UBE3C: variants seen among roughly 807,000 people sequenced by gnomAD.
UBE3C encodes ubiquitin protein ligase E3C.
Under a neutral mutation model 129.4 loss-of-function variants are expected in UBE3C, and 42 were observed. That is an observed-to-expected ratio of 0.32 (90% CI 0.25 to 0.42). UBE3C has a LOEUF of 0.42. UBE3C is among the 10% of genes least tolerant of loss of function. The pLI is 1.00. For synonymous variants in UBE3C, 510 were observed against 492.4 expected (o/e 1.04, Z -0.47); for missense variants, 1,049 against 1,319.1 (o/e 0.80, Z 3.17).
intron 18 of UBE3C, among the ~76,000 whole-genome samples, chr7:157,247,919 T>C (rs955829354): frequency 6.6e-6 from 1 of 151,896 alleles, no homozygotes; most frequent in Non-Finnish European, 1.5e-5. Flanking sequence ...GTCCAATAGC[T>C]GCGAGGCCTT....
chr7:157,166,668 A>G (rs1233888986), intron 2 of UBE3C, among the ~76,000 whole-genome samples: 1 of 149,320 alleles, frequency 6.7e-6, no homozygotes, highest in Non-Finnish European at 1.5e-5. Flanking sequence ...TGAACTCGGG[A>G]GGCGGAGGTT....
At position 157,163,796 on chromosome 7, in the gene UBE3C, CTGTT is replaced by C. The variant is rs773975371; in HGVS notation, c.67-11_67-8del. 34 of 1,607,620 alleles carry C rather than the reference CTGTT, an allele frequency of 2.1e-5. No individual in the cohort carries two copies. The highest frequency in any genetic ancestry group is 1.5e-4 in the African/African-American group (11 of 74,514). ...ATTATAACCTTACCTCCTTTTTTCT[CTGTT>C]TGGGTGTAGGAGGAAAAGGCTTCTC... is the stretch of plus-strand genomic sequence containing the variant. On this transcript the variant is annotated splice_polypyrimidine_tract_variant and intron_variant, in intron 1 of 22. Transcript: ENST00000348165.
At position 157,238,908 on chromosome 7, in the gene UBE3C, G is replaced by A. The variant is rs188131801; in HGVS notation, c.2481+7581G>A. Among the ~76,000 whole-genome samples the A allele has an allele frequency of 2.7e-3, 405 of 152,322 alleles. 2 individuals carry two copies. The highest frequency in any genetic ancestry group is 4.3e-3 in the Non-Finnish European group (295 of 68,034). ...CAGGTGCCAAATAAAGACAGTGTTT[G>A]AAAGGAAGAGAAAGGTGGGTATTGT... On this transcript the variant is annotated intron_variant, in intron 18 of 22. Coordinates refer to ENST00000348165, the MANE Select transcript of UBE3C (RefSeq NM_014671.3).
chr7:157,255,149 G>C (rs1185788564), intron 21 of UBE3C, among the ~76,000 whole-genome samples: 2 of 151,092 alleles, frequency 1.3e-5, no homozygotes, highest in African/African-American at 4.9e-5. Context: ...CATACACAAC[G>C]TACATGGGCA....
chr7:157,162,348 C>A (rs57487459), intron 1 of UBE3C, among the ~76,000 whole-genome samples: 18,148 of 151,840 alleles, frequency 0.12, 1,375 homozygotes, highest in East Asian at 0.2. Flanking sequence ...GTATGTGCCA[C>A]CATGCCCGGC....
chr7:157,266,088 G>A (rs914305473), intron 22 of UBE3C, among the ~76,000 whole-genome samples: 2 of 152,340 alleles, frequency 1.3e-5, no homozygotes, highest in Admixed American at 1.3e-4. Flanking sequence ...GCTGAGGCGG[G>A]TGGATCACGA....
chr7:157,236,192 G>A (rs1340386684), intron 18 of UBE3C, among the ~76,000 whole-genome samples: 1 of 152,182 alleles, frequency 6.6e-6, no homozygotes, highest in East Asian at 1.9e-4. Context: ...TCAGGCTGCA[G>A]ACAGGGAATA....
intron 10 of UBE3C, chr7:157,192,739 G>A: frequency 1.0e-6 from 1 of 959,010 alleles, no homozygotes; most frequent in Non-Finnish European, 1.7e-6. Context: ...TCTGATGAAT[G>A]TGGTGCTGGA....
At position 157,231,258 on chromosome 7, in the gene UBE3C, G is replaced by A. The variant is rs561158052; in HGVS notation, c.2412G>A (p.Pro804=). 2.0e-5 allele frequency: 33 copies of A among 1,614,096 alleles called. No individual in the cohort carries two copies. Among genetic ancestry groups the A allele is most frequent in the African/African-American group, 1.6e-4 (12 of 74,988 alleles). The part of the protein sequence containing the change: ...TTNEGLLYPN[P]AAQMLVGDSF... ...ATGAAGGGCTTCTGTACCCCAACCC[G>A]GCTGCTCAGATGCTTGTGGGAGATT... The change falls in exon 18 of 23, where the codon CCG becomes CCA. Residue 804 remains proline (P), a synonymous_variant. Coordinates refer to ENST00000348165, the MANE Select transcript of UBE3C (RefSeq NM_014671.3).
intron 4 of UBE3C, among the ~76,000 whole-genome samples, chr7:157,170,694 A>G (rs1385994749): frequency 6.6e-6 from 1 of 152,196 alleles, no homozygotes; most frequent in African/African-American, 2.4e-5. Context: ...GGAAAACCTT[A>G]AGCATTTAAA....
chr7:157,179,849 T>A (rs899998669), intron 6 of UBE3C, among the ~76,000 whole-genome samples: 1 of 152,194 alleles, frequency 6.6e-6, no homozygotes, highest in Non-Finnish European at 1.5e-5. Flanking sequence ...GTGTTACTAT[T>A]TTTTAGACTC....
chr7:157,267,071 A>G (rs914782123), intron 22 of UBE3C, among the ~76,000 whole-genome samples: 10 of 152,226 alleles, frequency 6.6e-5, no homozygotes, highest in African/African-American at 1.4e-4. Context: ...TTATGCCTGA[A>G]GCACAGTGCA....
At chr7:157,150,294 G>A (rs1338453241) in intron 1 of UBE3C, among the ~76,000 whole-genome samples, 3 of 151,900 alleles carry the variant, frequency 2.0e-5, no homozygotes, top group South Asian at 2.1e-4. Context: ...CGGGAGAATC[G>A]CTTGAACCCA....
chr7:157,139,254 C>G lies in UBE3C; in HGVS notation c.-19C>G, dbSNP rs770076723. 1.3e-6 allele frequency: 2 copies of G among 1,516,288 alleles called. No homozygotes were observed. Among genetic ancestry groups the G allele is most frequent in the Admixed American group, 2.0e-5 (1 of 50,828 alleles). The allele number at this position is 1,516,288 out of a possible 1,614,324, so 93.9% of individuals were successfully genotyped here. On this transcript the variant is annotated 5_prime_UTR_variant, in exon 1 of 23. Coordinates refer to ENST00000348165, the MANE Select transcript of UBE3C (RefSeq NM_014671.3). ...TGCTTCCGCGGCGGCGCTGCCCGCACATGGGCTAGGCTGCCAGGATGTTCA... is the reference window on the plus strand; with the variant it reads ...TGCTTCCGCGGCGGCGCTGCCCGCAGATGGGCTAGGCTGCCAGGATGTTCA...
At chr7:157,178,526 ATGTT>A (rs1808584979) in intron 5 of UBE3C, among the ~76,000 whole-genome samples, 160 bp from the exon 6 acceptor site, 1 of 152,192 alleles carries the variant, frequency 6.6e-6, no homozygotes, top group Admixed American at 6.5e-5. Flanking sequence ...GAATGACTGA[ATGTT>A]AGTTGGATGA....
chr7:157,139,464 C>T, intron 1 of UBE3C, 126 bp downstream of exon 1: 1 of 849,116 alleles, frequency 1.2e-6, no homozygotes, highest in Non-Finnish European at 1.6e-6. Flanking sequence ...TCGGGGCCTC[C>T]CTGGCGGGGA....
intron 2 of UBE3C, chr7:157,164,446 C>G (rs961987568): frequency 2.2e-6 from 1 of 456,614 alleles, no homozygotes; most frequent in Admixed American, 2.3e-5. Flanking sequence ...TGAACTGCCT[C>G]GTCTGGCTGA....
intron 2 of UBE3C, among the ~76,000 whole-genome samples, chr7:157,164,135 A>G (rs1019125568): frequency 6.6e-6 from 1 of 152,046 alleles, no homozygotes; most frequent in African/African-American, 2.4e-5. Context: ...AAGCCGTATT[A>G]TAAATATAAT....
rs778732359 is a variant in UBE3C at position 157,248,344 on chromosome 7, CGTT to C, written c.2482-21_2482-19del. 1.3e-4 allele frequency: 206 copies of C among 1,602,890 alleles called. 1 individual carries two copies. Among genetic ancestry groups the C allele is most frequent in the East Asian group, 1.6e-4 (7 of 44,836 alleles). The stretch of plus-strand genomic sequence containing the variant: ...AGAAGGCTTGTATATTCGATGCTAA[CGTT>C]GTCACTGTTCTCTTTTGAAGGCTCT... On this transcript the variant is annotated intron_variant, in intron 18 of 22. Transcript: ENST00000348165.
Sources: allele counts gnomAD v4.1 joint callset (sites outside exome capture counted in the v4.1 genomes callset), GRCh38; gene constraint gnomAD v4.1.1; transcripts MANE v1.5; gene names NCBI Gene and HGNC (gene_info 2026-07-23, HGNC 2026-07-21).